NTM: variants seen among roughly 807,000 people sequenced by gnomAD.
NTM encodes the protein IgLON family member 2.
In NTM, 13 loss-of-function variants were observed where a neutral mutation model predicts 42.1. That is an observed-to-expected ratio of 0.31 (90% CI 0.20 to 0.49). NTM has a LOEUF of 0.49. NTM is among the 20% of genes least tolerant of loss of function. The pLI, the probability that NTM is intolerant of heterozygous loss-of-function variation, is 0.99. For synonymous variants in NTM, 187 were observed against 179.2 expected (o/e 1.04, Z -0.35); for missense variants, 373 against 452.8 (o/e 0.82, Z 1.60).
At chr11:131,847,939 G>A (rs1046340347) in intron 1 of NTM, among the ~76,000 whole-genome samples, 2 of 152,054 alleles carry the variant, frequency 1.3e-5, no homozygotes, top group Non-Finnish European at 2.9e-5. Context: ...AATGTATTCT[G>A]TTTGTATGTC....
intron 1 of NTM, among the ~76,000 whole-genome samples, chr11:131,839,688 C>T (rs2043977846): frequency 6.6e-6 from 1 of 152,216 alleles, no homozygotes; most frequent in African/African-American, 2.4e-5. Flanking sequence ...ATTTAATGTA[C>T]ACTTGAAAAG....
At chr11:131,711,776 A>T (rs1592662739) in intron 1 of NTM, among the ~76,000 whole-genome samples, 1 of 152,138 alleles carries the variant, frequency 6.6e-6, no homozygotes, top group South Asian at 2.1e-4. Flanking sequence ...TGTGGCACAT[A>T]TCCACCATGG....
chr11:131,968,823 C>T (rs1451659570), intron 2 of NTM, among the ~76,000 whole-genome samples: 5 of 152,294 alleles, frequency 3.3e-5, no homozygotes, highest in Admixed American at 2.6e-4. Context: ...AAGAGCCTTC[C>T]ACCCCCTTAA....
chr11:131,566,264 C>T (rs2056871822), intron 1 of NTM, among the ~76,000 whole-genome samples: 1 of 152,198 alleles, frequency 6.6e-6, no homozygotes, highest in African/African-American at 2.4e-5. Context: ...GCTAAGTTGA[C>T]AGATGCATTT....
intron 1 of NTM, among the ~76,000 whole-genome samples, chr11:131,448,891 T>C (rs1341932361): frequency 6.6e-6 from 1 of 152,128 alleles, no homozygotes; most frequent in Non-Finnish European, 1.5e-5. Context: ...GTCTAAGTCA[T>C]TTTGGGGAGT....
intron 1 of NTM, among the ~76,000 whole-genome samples, chr11:131,643,132 G>A (rs1181525950): frequency 6.6e-6 from 1 of 151,622 alleles, no homozygotes; most frequent in Non-Finnish European, 1.5e-5. Context: ...TCCTATTACA[G>A]AAGCATCCGA....
At chr11:132,042,949 T>C (rs1267983208) in intron 2 of NTM, among the ~76,000 whole-genome samples, 1 of 152,198 alleles carries the variant, frequency 6.6e-6, no homozygotes, top group Non-Finnish European at 1.5e-5. Flanking sequence ...ATAAATATTT[T>C]AGAGCCATAT....
chr11:131,970,658 A>G (rs1480675924), intron 2 of NTM, among the ~76,000 whole-genome samples: 1 of 152,110 alleles, frequency 6.6e-6, no homozygotes, highest in Non-Finnish European at 1.5e-5. Context: ...ATACATTCCA[A>G]TCTTATACCT....
intron 1 of NTM, among the ~76,000 whole-genome samples, chr11:131,378,835 C>G (rs758190855): frequency 6.6e-6 from 1 of 152,184 alleles, no homozygotes; most frequent in Non-Finnish European, 1.5e-5. Context: ...AATCAGTTAT[C>G]CAGCTGCATT....
intron 1 of NTM, among the ~76,000 whole-genome samples, chr11:131,731,799 A>G (rs2079727007): frequency 6.6e-6 from 1 of 152,192 alleles, no homozygotes; most frequent in Admixed American, 6.5e-5. Flanking sequence ...TCCTCAGCGC[A>G]GTCTCAGAGA....
At chr11:131,517,452 G>A (rs2049035058) in intron 1 of NTM, among the ~76,000 whole-genome samples, 1 of 152,154 alleles carries the variant, frequency 6.6e-6, no homozygotes, top group Admixed American at 6.5e-5. Context: ...TTATTATGAG[G>A]CAAAACAATA....
At chr11:131,832,792 G>A (rs533601882) in intron 1 of NTM, among the ~76,000 whole-genome samples, 9 of 152,150 alleles carry the variant, frequency 5.9e-5, no homozygotes, top group Admixed American at 3.3e-4. Flanking sequence ...GTATGTACGT[G>A]CATATGTATG....
At chr11:131,422,103 A>G (rs1947595902) in intron 1 of NTM, among the ~76,000 whole-genome samples, 1 of 152,208 alleles carries the variant, frequency 6.6e-6, no homozygotes, top group African/African-American at 2.4e-5. Context: ...CATCCCGTCT[A>G]CTTTGCCTGA....
rs137956218 is a variant in NTM at position 131,372,139 on chromosome 11, G to A, written c.82+1251G>A. 2.6e-3 allele frequency among the ~76,000 whole-genome samples: 400 copies of A among 152,308 alleles called. 5 individuals carry two copies. The highest frequency in any genetic ancestry group is 9.0e-3 in the African/African-American group (374 of 41,578). Reference sequence around the variant, plus strand: ...TGACATAGGTTGCAGTGGCTGCAGTGTGGATCCACGTAAGGTGGGCAGAGA... The same window carrying A: ...TGACATAGGTTGCAGTGGCTGCAGTATGGATCCACGTAAGGTGGGCAGAGA... On this transcript the variant is annotated intron_variant, in intron 1 of 8. Transcript: ENST00000683400.
At chr11:131,842,544 C>T (rs1291112216) in intron 1 of NTM, among the ~76,000 whole-genome samples, 1 of 151,900 alleles carries the variant, frequency 6.6e-6, no homozygotes, top group Non-Finnish European at 1.5e-5. Flanking sequence ...TGAAGGTGAC[C>T]TAAAAATGAA....
At chr11:132,333,246 C>A (rs1285446890) in intron 8 of NTM, among the ~76,000 whole-genome samples, 1 of 152,162 alleles carries the variant, frequency 6.6e-6, no homozygotes, top group Non-Finnish European at 1.5e-5. Flanking sequence ...CCACCCTTGT[C>A]GTCTCAGAGT....
chr11:131,864,420 A>T (rs1355160014), intron 1 of NTM, among the ~76,000 whole-genome samples: 1 of 152,204 alleles, frequency 6.6e-6, no homozygotes, highest in Non-Finnish European at 1.5e-5. Flanking sequence ...ACTGGTTTCA[A>T]TTAAGACTAT....
intron 1 of NTM, among the ~76,000 whole-genome samples, chr11:131,563,945 G>A (rs768033057): frequency 2.6e-5 from 4 of 152,126 alleles, no homozygotes; most frequent in South Asian, 2.1e-4. Context: ...ATGTGGCTGC[G>A]TTGCCAAAGA....
intron 1 of NTM, among the ~76,000 whole-genome samples, chr11:131,384,293 T>C (rs1192692908): frequency 6.6e-6 from 1 of 152,088 alleles, no homozygotes; most frequent in African/African-American, 2.4e-5. Flanking sequence ...GAAAAGCAGA[T>C]TGACAAAAAG....
Sources: gnomAD v4.1 joint callset for allele counts (sites outside exome capture counted in the v4.1 genomes callset) on GRCh38, gnomAD v4.1.1 for gene constraint, MANE v1.5 for transcripts, NCBI Gene and HGNC (gene_info 2026-07-23, HGNC 2026-07-21) for gene names.